Variants in COLEC12 observed in about 807,000 individuals in gnomAD.
The protein encoded by COLEC12 is collectin subfamily member 12, also known as collectin-12.
Under a neutral mutation model 71.1 loss-of-function variants are expected in COLEC12, and 33 were observed. The ratio of observed to expected loss-of-function variants is 0.46; its 90% CI spans 0.35 to 0.62. COLEC12 has a LOEUF of 0.62. Among genes scored for constraint, COLEC12 ranks in the 20% least tolerant of loss-of-function variants. COLEC12 has a pLI of 0.00. For missense variants in COLEC12, 765 were observed against 916.1 expected (o/e 0.84, Z 2.13); for synonymous variants, 350 against 353.0 (o/e 0.99, Z 0.10).
At position 407,315 on chromosome 18, in the gene COLEC12, T is replaced by C. The variant is rs145162580; in HGVS notation, c.59-49793A>G. On this transcript the variant is annotated intron_variant, in intron 2 of 9. Coordinates refer to ENST00000400256, the MANE Select transcript of COLEC12 (RefSeq NM_130386.3). ...CCAGAGGAACAGAACCAATAGGTAG[T>C]GTATATACAGAAAGGGATTTATTAT... Among the ~76,000 whole-genome samples the C allele has an allele frequency of 2.0e-3, 300 of 152,318 alleles. 1 individual carries two copies. The highest frequency in any genetic ancestry group is 3.3e-3 in the Non-Finnish European group (227 of 68,026).
At chr18:320,859 G>C (rs999515137) in intron 9 of COLEC12, among the ~76,000 whole-genome samples, 2 of 152,022 alleles carry the variant, frequency 1.3e-5, no homozygotes, top group South Asian at 4.1e-4. Context: ...TAGATACATA[G>C]CCTTTGAAGT....
chr18:364,826 A>G (rs970450789), intron 2 of COLEC12, among the ~76,000 whole-genome samples: 13 of 152,150 alleles, frequency 8.5e-5, no homozygotes, highest in Non-Finnish European at 1.6e-4. Flanking sequence ...GGTTACTTAT[A>G]ATGTCTTTAA....
At chr18:479,064 T>C (rs914218906) in intron 2 of COLEC12, among the ~76,000 whole-genome samples, 2 of 152,218 alleles carry the variant, frequency 1.3e-5, no homozygotes, top group Non-Finnish European at 2.9e-5. Flanking sequence ...CCAAAACATG[T>C]AGGCATCTCC....
At chr18:499,506 T>A (rs1430952267) in intron 1 of COLEC12, among the ~76,000 whole-genome samples, 1 of 152,194 alleles carries the variant, frequency 6.6e-6, no homozygotes, top group Non-Finnish European at 1.5e-5. Context: ...TCAAAGCGAT[T>A]GCATCGCCAG....
In COLEC12 at chr18:480,564, C is replaced by A. The variant is rs72856625; in HGVS notation, c.58+143G>T. ...CCTCCCCCTGGGACACAGACACTCA[C>A]TTTCCAACCAAAATTGGACCTCAGA... On this transcript the variant is annotated intron_variant, in intron 2 of 9. Coordinates refer to ENST00000400256, the MANE Select transcript of COLEC12 (RefSeq NM_130386.3). The surrounding 1 kb of genome is among the most constrained non-coding windows in gnomAD (Gnocchi z 4.1). 9.3e-6 allele frequency: 7 copies of A among 751,094 alleles called. No homozygotes were observed. Among genetic ancestry groups the A allele is most frequent in the Non-Finnish European group, 1.7e-5 (7 of 419,686 alleles). 46.5% of individuals were successfully genotyped at this position (751,094 alleles called of 1,614,324 possible). A position where few individuals can be genotyped will look rare whatever the true frequency, so the allele number is the denominator to read the frequency against.
At chr18:434,255 C>G (rs532987317) in intron 2 of COLEC12, among the ~76,000 whole-genome samples, 2 of 152,140 alleles carry the variant, frequency 1.3e-5, no homozygotes, top group Non-Finnish European at 2.9e-5. Context: ...CAATAAAATA[C>G]AGTAAGTGCA....
At chr18:349,778 T>A (rs1408806331) in intron 3 of COLEC12, among the ~76,000 whole-genome samples, 1 of 152,202 alleles carries the variant, frequency 6.6e-6, no homozygotes, top group Admixed American at 6.5e-5. Flanking sequence ...GAGATAATTG[T>A]GGAGCTTTAA....
intron 2 of COLEC12, among the ~76,000 whole-genome samples, chr18:417,971 C>T (rs1916022202): frequency 6.6e-6 from 1 of 152,064 alleles, no homozygotes; most frequent in Non-Finnish European, 1.5e-5. Flanking sequence ...ATGGCCCTGC[C>T]CCGCACAGCT....
At chr18:398,983 C>T (rs1915625345) in intron 2 of COLEC12, among the ~76,000 whole-genome samples, 1 of 152,160 alleles carries the variant, frequency 6.6e-6, no homozygotes. Flanking sequence ...ATGTAGTATC[C>T]AGATCTAAAT....
Position 480,881 on chromosome 18 carries a change from C to A in COLEC12, c.8-124G>T, listed in dbSNP as rs926067482. 1.2e-6 allele frequency: 1 copy of A among 856,666 alleles called. No homozygotes were observed. The highest frequency in any genetic ancestry group is 1.4e-5 in the South Asian group (1 of 73,110). 53.1% of individuals were successfully genotyped at this position (856,666 alleles called of 1,614,324 possible). On this transcript the variant is annotated intron_variant, in intron 1 of 9. Coordinates refer to ENST00000400256, the MANE Select transcript of COLEC12 (RefSeq NM_130386.3). The surrounding 1 kb of genome is among the most constrained non-coding windows in gnomAD (Gnocchi z 4.1). ...AGCAGCTTTCCTTCTGCTCGTGGATCGCACCAGGCTTTCTGGAAGAGGCGG... is the reference window on the plus strand; with the variant it reads ...AGCAGCTTTCCTTCTGCTCGTGGATAGCACCAGGCTTTCTGGAAGAGGCGG...
intron 3 of COLEC12, among the ~76,000 whole-genome samples, chr18:351,590 G>A (rs1264519991): frequency 6.6e-6 from 1 of 151,796 alleles, no homozygotes; most frequent in East Asian, 1.9e-4. Flanking sequence ...TTTATTAGAC[G>A]GAGTTTCACT....
At chr18:345,490 GGCATGAGCCA>G (rs1914350961) in intron 5 of COLEC12, among the ~76,000 whole-genome samples, 2 of 152,162 alleles carry the variant, frequency 1.3e-5, no homozygotes, top group Non-Finnish European at 2.9e-5. Flanking sequence ...TAAGATTACA[GGCATGAGCCA>G]GCACACCTAC....
At chr18:368,621 T>C (rs113141496) in intron 2 of COLEC12, among the ~76,000 whole-genome samples, 9,234 of 151,546 alleles carry the variant, frequency 0.061, 387 homozygotes, top group East Asian at 0.17. Flanking sequence ...TCCCAGAACT[T>C]TGGGAGGCCA....
Position 414,001 on chromosome 18 carries a change from G to C in COLEC12, c.59-56479C>G, listed in dbSNP as rs144348733. ...AGTGGTTGCCAGTGATGAAGAAGTA[G>C]GTGGAGGAAAGGGGAAGAAAATATG... On this transcript the variant is annotated intron_variant, in intron 2 of 9. Coordinates refer to ENST00000400256, the MANE Select transcript of COLEC12 (RefSeq NM_130386.3). Among the ~76,000 whole-genome samples the C allele has an allele frequency of 1.2e-4, 19 of 152,152 alleles. 1 individual carries two copies. The highest frequency in any genetic ancestry group is 1.1e-3 in the Admixed American group (17 of 15,288).
At chr18:370,076 T>G (rs1026385954) in intron 2 of COLEC12, among the ~76,000 whole-genome samples, 7 of 152,092 alleles carry the variant, frequency 4.6e-5, no homozygotes, top group Non-Finnish European at 1.0e-4. Flanking sequence ...ATGAGATGCA[T>G]AAATGACTGT....
At chr18:482,895 G>C (rs980574417) in intron 1 of COLEC12, among the ~76,000 whole-genome samples, 6 of 152,094 alleles carry the variant, frequency 3.9e-5, no homozygotes, top group South Asian at 2.1e-4. Context: ...CTACAGATGT[G>C]AGCTACCGTG....
intron 2 of COLEC12, among the ~76,000 whole-genome samples, chr18:462,766 T>G (rs1472386550): frequency 6.6e-6 from 1 of 152,220 alleles, no homozygotes; most frequent in Admixed American, 6.5e-5. Flanking sequence ...ATGCATTTGA[T>G]CAGGCTTGCC....
chr18:428,015 A>G (rs1916230442), intron 2 of COLEC12, among the ~76,000 whole-genome samples: 1 of 152,336 alleles, frequency 6.6e-6, no homozygotes, highest in Admixed American at 6.5e-5. Context: ...CTGTAATCCC[A>G]GCACTTCGGG....
chr18:451,092 A>G (rs1489323387), intron 2 of COLEC12, among the ~76,000 whole-genome samples: 1 of 152,244 alleles, frequency 6.6e-6, no homozygotes, highest in Admixed American at 6.5e-5. Flanking sequence ...ATGCGTGAGC[A>G]TATGAATGAA....
Sources: allele counts gnomAD v4.1 joint callset (sites outside exome capture counted in the v4.1 genomes callset), GRCh38; gene constraint gnomAD v4.1.1; non-coding constraint Gnocchi (gnomAD v3.1); transcripts MANE v1.5; gene names NCBI Gene and HGNC (gene_info 2026-07-23, HGNC 2026-07-21).